Variants in EFCAB12 observed in about 807,000 individuals in gnomAD.
EFCAB12 encodes EF-hand calcium binding domain 12.
EFCAB12 carries 43 observed loss-of-function variants against 53.6 expected under a neutral mutation model. The observed-to-expected ratio is 0.80, with a 90% CI of 0.63 to 1.03. The LOEUF (loss-of-function observed/expected upper bound fraction) is 1.03, where lower values mean the gene tolerates loss of function less well. Among genes scored for constraint, EFCAB12 ranks in the 50% least tolerant of loss-of-function variants. The pLI is 0.00. For missense variants in EFCAB12, 646 were observed against 730.6 expected, an observed-to-expected ratio of 0.88 and a Z score of 1.34; for synonymous variants, 269 against 289.2, an observed-to-expected ratio of 0.93 and a Z score of 0.71.
In EFCAB12 at chr3:129,411,232, C is replaced by G; in HGVS notation, c.961G>C (p.Glu321Gln). ...TCCTCCAGGGTCATGGGCCGCGTCT[C>G]CATCTGCGTGTCGACTGCAGGCACC... Reference protein sequence around the residue: ...LTVPAVDTQMETRPMTLEEME... With the variant: ...LTVPAVDTQMQTRPMTLEEME... Residue 321 changes from glutamate (E) to glutamine (Q), a missense_variant, in exon 5 of 9, where the codon GAG (glutamate) becomes CAG (glutamine). Coordinates refer to ENST00000505956, the MANE Select transcript of EFCAB12 (RefSeq NM_207307.3). The G allele has an allele frequency of 6.2e-7, 1 of 1,613,896 alleles. No individual in the cohort carries two copies. Among genetic ancestry groups the G allele is most frequent in the Non-Finnish European group, 8.5e-7 (1 of 1,179,840 alleles).
At chr3:129,410,013 TA>T (rs201444036) in intron 5 of EFCAB12, among the ~76,000 whole-genome samples, 3 of 151,784 alleles carry the variant, frequency 2.0e-5, no homozygotes, top group South Asian at 2.1e-4. Context: ...TTTATTTATT[TA>T]TTTTTTTTTT....
intron 4 of EFCAB12, 93 bp downstream of exon 4, chr3:129,415,152 G>A: frequency 7.0e-7 from 1 of 1,418,942 alleles, no homozygotes; most frequent in Non-Finnish European, 9.3e-7. Context: ...AACACACTGA[G>A]GAAGTGAGTT....
chr3:129,403,321 G>A (rs948233441), intron 7 of EFCAB12: 3 of 152,376 alleles, frequency 2.0e-5, no homozygotes, highest in African/African-American at 7.2e-5. Flanking sequence ...ATCATTGATT[G>A]AGTGCTGTCC....
At chr3:129,416,442 C>CA (rs1018919097) in intron 3 of EFCAB12, among the ~76,000 whole-genome samples, 4 of 151,734 alleles carry the variant, frequency 2.6e-5, no homozygotes, top group African/African-American at 9.7e-5. Context: ...AACAAACAAA[C>CA]AAACAAAAAA....
chr3:129,421,998 T>G (rs1051444025), intron 1 of EFCAB12, among the ~76,000 whole-genome samples, 195 bp from the exon 2 acceptor site: 3 of 152,206 alleles, frequency 2.0e-5, no homozygotes, highest in African/African-American at 7.2e-5. Flanking sequence ...GGCAGCAAGC[T>G]AAGGGCTCTA....
Position 129,424,942 on chromosome 3 carries a change from T to A in EFCAB12, c.50-3139A>T, listed in dbSNP as rs562288075. Among the ~76,000 whole-genome samples the A allele has an allele frequency of 3.9e-5, 6 of 152,168 alleles. No individual in the cohort carries two copies. The South Asian group carries it at 1.2e-3, about 32-fold the overall frequency. ...CTGGGAGGGCATCAAGGAAGAGGTG[T>A]CTTTGATGTGGACCTTCAAGAATGG... On this transcript the variant is annotated intron_variant, in intron 1 of 8. Coordinates refer to ENST00000505956, the MANE Select transcript of EFCAB12 (RefSeq NM_207307.3).
At chr3:129,405,509 G>A (rs969724639) in intron 6 of EFCAB12, among the ~76,000 whole-genome samples, 2 of 152,012 alleles carry the variant, frequency 1.3e-5, no homozygotes, top group African/African-American at 4.8e-5. Context: ...GTGAAAGGAT[G>A]GTCACTAAAA....
At position 129,408,832 on chromosome 3, in the gene EFCAB12, C is replaced by T. The variant is rs377750021; in HGVS notation, c.1062G>A (p.Thr354=). ...HKLTIPSIQY[T]EQCHLVRCGN... is the part of the protein sequence containing the mutation. ...CACAGCGCACCAGGTGACATTGCTC[C>T]GTGTACTGGATGGAGGGGATCGTGA... Residue 354 remains threonine, a synonymous_variant, in exon 6 of 9, where the codon ACG becomes ACA. Coordinates refer to ENST00000505956, the MANE Select transcript of EFCAB12 (RefSeq NM_207307.3). The T allele has an allele frequency of 2.0e-5, 32 of 1,573,508 alleles. No homozygotes were observed. Among genetic ancestry groups the T allele is most frequent in the African/African-American group, 4.1e-5 (3 of 73,894 alleles).
At chr3:129,424,621 G>A (rs1441741987) in intron 1 of EFCAB12, among the ~76,000 whole-genome samples, 1 of 152,176 alleles carries the variant, frequency 6.6e-6, no homozygotes, top group African/African-American at 2.4e-5. Context: ...AGCAATGCTA[G>A]AACAGATATT....
chr3:129,410,916 A>G (rs1280130924), intron 5 of EFCAB12, among the ~76,000 whole-genome samples: 1 of 152,208 alleles, frequency 6.6e-6, no homozygotes, highest in Admixed American at 6.5e-5. Flanking sequence ...AGTCATAATT[A>G]AAGAATAGGG....
intron 1 of EFCAB12, among the ~76,000 whole-genome samples, chr3:129,427,227 C>G (rs2072284661): frequency 6.6e-6 from 1 of 151,994 alleles, no homozygotes; most frequent in South Asian, 2.1e-4. Flanking sequence ...TGGGCTCAAG[C>G]AATCCTCCTG....
chr3:129,404,696 A>AG (rs921037652), intron 6 of EFCAB12, among the ~76,000 whole-genome samples: 1 of 151,918 alleles, frequency 6.6e-6, no homozygotes, highest in African/African-American at 2.4e-5. Flanking sequence ...ACTACAGATG[A>AG]GGGGGGTTTG....
In EFCAB12 at chr3:129,426,359, G is replaced by GTTT. The variant is rs71620055; in HGVS notation, c.49+2078_49+2080dup. 6.8e-3 allele frequency among the ~76,000 whole-genome samples: 601 copies of GTTT among 87,750 alleles called. 9 individuals are homozygous for GTTT. Among genetic ancestry groups the GTTT allele is most frequent in the East Asian group, 8.8e-3 (27 of 3,062 alleles). The allele number at this position is 87,750 out of a possible 152,430, so 57.6% of individuals were successfully genotyped here. A position where few individuals can be genotyped will look rare whatever the true frequency, so the allele number is the denominator to read the frequency against. ...TGGATGGCTTACAGGGTTTTTTTTT[G>GTTT]TTTTTTTTTTTTTTTTTTTTTTTGA... On this transcript the variant is annotated intron_variant, in intron 1 of 8. Coordinates refer to ENST00000505956, the MANE Select transcript of EFCAB12 (RefSeq NM_207307.3).
At position 129,404,239 on chromosome 3, in the gene EFCAB12, C is replaced by A. The variant is rs553566899; in HGVS notation, c.1403+11G>T. ...GGCCAAGGCAGGGAGAAAGGGGGTC[C>A]GAAACTCAGCTTGTCAGTCCTCTTA... On this transcript the variant is annotated intron_variant, in intron 7 of 8. Transcript: ENST00000505956. 3 of 1,609,416 alleles carry A rather than the reference C, an allele frequency of 1.9e-6. No individual in the cohort carries two copies. The highest frequency in any genetic ancestry group is 2.5e-6 in the Non-Finnish European group (3 of 1,177,440).
chr3:129,427,966 A>G (rs2072292049), intron 1 of EFCAB12, among the ~76,000 whole-genome samples: 1 of 152,066 alleles, frequency 6.6e-6, no homozygotes, highest in South Asian at 2.1e-4. Context: ...TCTTTTCCAA[A>G]AGCTTGGAAC....
intron 3 of EFCAB12, 106 bp downstream of exon 3, chr3:129,418,148 T>C (rs936376866): frequency 3.7e-5 from 41 of 1,110,752 alleles, no homozygotes; most frequent in Non-Finnish European, 4.9e-5. Flanking sequence ...TACTTCTCAG[T>C]TGAACCAGAA....
chr3:129,415,503 AG>A (rs1175840988), intron 3 of EFCAB12, 102 bp from the exon 4 acceptor site: 2 of 1,449,332 alleles, frequency 1.4e-6, no homozygotes, highest in Non-Finnish European at 1.9e-6. Context: ...TCCTGCTTCC[AG>A]TTTCATCCTC....
intron 7 of EFCAB12, chr3:129,403,943 C>A (rs1016944180): frequency 2.6e-5 from 6 of 228,968 alleles, no homozygotes; most frequent in African/African-American, 1.4e-4. Context: ...GCCCTCGCTC[C>A]AGCCCTGTTC....
chr3:129,401,942 G>A, intron 8 of EFCAB12, 91 bp from the exon 9 acceptor site: 5 of 1,501,770 alleles, frequency 3.3e-6, no homozygotes, highest in Non-Finnish European at 4.5e-6. Flanking sequence ...TGACCAAAGT[G>A]GAGATTTAGC....
Sources: gnomAD v4.1 joint callset for allele counts (sites outside exome capture counted in the v4.1 genomes callset) on GRCh38, gnomAD v4.1.1 for gene constraint, MANE v1.5 for transcripts, NCBI Gene and HGNC (gene_info 2026-07-23, HGNC 2026-07-21) for gene names.